Variants in USH2A observed in about 807,000 individuals in gnomAD.
The protein encoded by USH2A is usherin, also known as Usher syndrome 2A (autosomal recessive, mild).
In USH2A, 443 loss-of-function variants were observed where a neutral mutation model predicts 538.9. The observed-to-expected ratio is 0.82, with a 90% confidence interval of 0.76 to 0.89. The LOEUF (loss-of-function observed/expected upper bound fraction) is 0.89, where lower values mean the gene tolerates loss of function less well. USH2A is among the 40% of genes least tolerant of loss of function. The pLI, the probability that USH2A is intolerant of heterozygous loss-of-function variation, is 0.00. For missense variants in USH2A, 6,633 were observed against 6,324.8 expected, an observed-to-expected ratio of 1.05 and a Z score of -1.65; for synonymous variants, 2,413 against 2,273.5, an observed-to-expected ratio of 1.06 and a Z score of -1.75.
chr1:216,148,723 T>C (rs1021384024), intron 21 of USH2A, among the ~76,000 whole-genome samples: 39 of 151,990 alleles, frequency 2.6e-4, no homozygotes, highest in African/African-American at 8.5e-4. Context: ...CTATACACCC[T>C]GTGGTGCCAA....
At position 215,889,018 on chromosome 1, in the gene USH2A, A is replaced by G; in HGVS notation, c.7631T>C (p.Val2544Ala). The G allele has an allele frequency of 6.2e-7, 1 of 1,613,964 alleles. No homozygotes were observed. Among genetic ancestry groups the G allele is most frequent in the South Asian group, 1.1e-5 (1 of 91,068 alleles). ...GGTGACCAACATCATTCTTGACTTC[A>G]CATCCAGAAGAATCGGAGGAACTAC... ...GPVVPPILLD[V>A]KSRMMLVTWQ... Residue 2544 changes from valine to alanine, a missense_variant, in exon 41 of 72, where the codon GTG (valine) becomes GCG (alanine). Val to Ala is a moderately conservative substitution (Grantham distance 64). Coordinates refer to ENST00000307340, the MANE Select transcript of USH2A (RefSeq NM_206933.4).
intron 21 of USH2A, among the ~76,000 whole-genome samples, chr1:216,169,160 T>A (rs2034227245): frequency 6.6e-6 from 1 of 152,144 alleles, no homozygotes; most frequent in African/African-American, 2.4e-5. Context: ...GCATGTGGGA[T>A]GAGTATATAG....
chr1:215,830,517 A>G (rs2102808875), intron 47 of USH2A, among the ~76,000 whole-genome samples: 1 of 152,222 alleles, frequency 6.6e-6, no homozygotes, highest in East Asian at 1.9e-4. Flanking sequence ...GCAAATTTGG[A>G]GGCAGGCTGG....
In USH2A at chr1:215,996,560, G is replaced by GTTTT. The variant is rs753233925; in HGVS notation, c.6657+2323_6657+2326dup. ...TTTGTTGAGAGTAGCAACATATTAT[G>GTTTT]TTTTTTTTTTTTTTTTTTTTTTTTT... On this transcript the variant is annotated intron_variant, in intron 34 of 71. Transcript: ENST00000307340. 1.3e-3 allele frequency among the ~76,000 whole-genome samples: 68 copies of GTTTT among 51,716 alleles called. 15 individuals are homozygous for GTTTT. Among genetic ancestry groups the GTTTT allele is most frequent in the South Asian group, 1.9e-3 (2 of 1,030 alleles). The allele number at this position is 51,716 out of a possible 152,430, so 33.9% of individuals were successfully genotyped here.
chr1:215,955,195 G>A (rs1216051210), intron 37 of USH2A, among the ~76,000 whole-genome samples: 2 of 152,118 alleles, frequency 1.3e-5, no homozygotes, highest in Non-Finnish European at 2.9e-5. Flanking sequence ...TCAGCACACA[G>A]ACCATGCTTG....
chr1:216,310,263 A>G (rs1361717755), intron 9 of USH2A, among the ~76,000 whole-genome samples: 3 of 151,976 alleles, frequency 2.0e-5, no homozygotes, highest in Non-Finnish European at 4.4e-5. Context: ...GCATTTTTAC[A>G]TGGTTCCATT....
chr1:216,190,517 A>G, intron 19 of USH2A, 150 bp from the exon 20 acceptor site: 1 of 955,910 alleles, frequency 1.0e-6, no homozygotes, highest in Non-Finnish European at 1.5e-6. Context: ...TTTTTTTCTG[A>G]AGAGTCTCGA....
intron 21 of USH2A, among the ~76,000 whole-genome samples, chr1:216,146,799 T>C (rs933293656): frequency 6.6e-6 from 1 of 152,064 alleles, no homozygotes; most frequent in Non-Finnish European, 1.5e-5. Flanking sequence ...CCTCCTTCAC[T>C]ATGGGCAACC....
intron 27 of USH2A, among the ~76,000 whole-genome samples, chr1:216,076,375 C>T (rs1156341873): frequency 1.3e-5 from 2 of 151,952 alleles, no homozygotes; most frequent in African/African-American, 2.4e-5. Flanking sequence ...AAAATTATTC[C>T]CTTTGGGTCT....
intron 38 of USH2A, among the ~76,000 whole-genome samples, chr1:215,905,855 G>A (rs925655362): frequency 1.3e-5 from 2 of 151,962 alleles, no homozygotes; most frequent in Non-Finnish European, 2.9e-5. Flanking sequence ...TCTCATTTAG[G>A]CTTCTCTGTT....
intron 11 of USH2A, among the ~76,000 whole-genome samples, chr1:216,271,432 T>C (rs896623499): frequency 6.6e-6 from 1 of 152,090 alleles, no homozygotes; most frequent in African/African-American, 2.4e-5. Flanking sequence ...CCAAGCAATT[T>C]TTATACTCCC....
intron 32 of USH2A, among the ~76,000 whole-genome samples, chr1:216,038,913 C>T (rs1195140048): frequency 7.9e-5 from 12 of 151,908 alleles, no homozygotes; most frequent in African/African-American, 2.4e-5. Flanking sequence ...TTCTAAAATC[C>T]CTTTAAGCAT....
At chr1:216,314,643 A>G (rs1368908869) in intron 9 of USH2A, among the ~76,000 whole-genome samples, 1 of 152,140 alleles carries the variant, frequency 6.6e-6, no homozygotes, top group East Asian at 1.9e-4. Context: ...CTAGAGTGTG[A>G]TGTTGGCACC....
chr1:215,825,674 G>A (rs985614299), intron 47 of USH2A, among the ~76,000 whole-genome samples: 2 of 151,930 alleles, frequency 1.3e-5, no homozygotes, highest in Admixed American at 6.6e-5. Context: ...AATCGATTTG[G>A]TCATTTTTGT....
chr1:216,223,482 C>T (rs1479842289), intron 14 of USH2A, among the ~76,000 whole-genome samples: 1 of 152,106 alleles, frequency 6.6e-6, no homozygotes, highest in Non-Finnish European at 1.5e-5. Context: ...CTGTTTATTC[C>T]CCACCACTTC....
At chr1:216,160,767 G>T (rs2034042073) in intron 21 of USH2A, among the ~76,000 whole-genome samples, 1 of 152,034 alleles carries the variant, frequency 6.6e-6, no homozygotes, top group African/African-American at 2.4e-5. Flanking sequence ...AGATGTAATT[G>T]TTTATTCATT....
intron 58 of USH2A, among the ~76,000 whole-genome samples, chr1:215,747,933 G>T (rs1046885656): frequency 6.7e-6 from 1 of 149,506 alleles, no homozygotes; most frequent in African/African-American, 2.5e-5. Flanking sequence ...CGCCCAGGCC[G>T]GACTGCGGAC....
chr1:216,231,860 T>C (rs1193748092), intron 14 of USH2A, 93 bp downstream of exon 14: 1 of 1,520,770 alleles, frequency 6.6e-7, no homozygotes, highest in African/African-American at 1.4e-5. Flanking sequence ...GCAAAAAAAA[T>C]ACTTTTTACA....
At chr1:215,979,354 A>G (rs1232498036) in intron 35 of USH2A, among the ~76,000 whole-genome samples, 1 of 152,178 alleles carries the variant, frequency 6.6e-6, no homozygotes, top group Non-Finnish European at 1.5e-5. Flanking sequence ...CTAATAGAAA[A>G]CAAAACTTCA....
Sources: allele counts gnomAD v4.1 joint callset (sites outside exome capture counted in the v4.1 genomes callset), GRCh38; gene constraint gnomAD v4.1.1; transcripts MANE v1.5; gene names NCBI Gene and HGNC (gene_info 2026-07-23, HGNC 2026-07-21).